Variants in PRKN observed in about 807,000 individuals in gnomAD.
PRKN encodes parkin RBR E3 ubiquitin protein ligase, also known as E3 ubiquitin-protein ligase parkin.
PRKN carries 56 observed loss-of-function variants against 59.5 expected under a neutral mutation model. The observed-to-expected ratio is 0.94, with a 90% CI of 0.76 to 1.18. PRKN has a LOEUF of 1.18. Ranked by LOEUF, PRKN falls within the 50% of genes most tolerant of loss-of-function variation. The pLI is 0.00. For synonymous variants in PRKN, 250 were observed against 222.1 expected (o/e 1.13, Z -1.12); for missense variants, 657 against 596.4 (o/e 1.10, Z -1.06).
At position 161,425,573 on chromosome 6, in the gene PRKN, C is replaced by T. The variant is rs180812580; in HGVS notation, c.1084-38696G>A. Among the ~76,000 whole-genome samples, 690 of 152,222 alleles carry T rather than the reference C, an allele frequency of 4.5e-3. 2 individuals carry two copies. Among genetic ancestry groups the T allele is most frequent in the Non-Finnish European group, 7.0e-3 (477 of 68,012 alleles). ...CCTTGTCTTTTGAGATCAGAATCCA[C>T]AGATTTTCATTTCTGATGCACCAGA... is the stretch of plus-strand genomic sequence containing the variant. On this transcript the variant is annotated intron_variant, in intron 9 of 11. Coordinates refer to ENST00000366898, the MANE Select transcript of PRKN (RefSeq NM_004562.3).
chr6:161,884,584 G>A (rs62438276), intron 6 of PRKN, among the ~76,000 whole-genome samples: 1,887 of 152,236 alleles, frequency 0.012, 12 homozygotes, highest in African/African-American at 0.028. Flanking sequence ...ATTACGATAC[G>A]AATGGTGATT....
At chr6:162,235,989 G>GAAAGA (rs1778683755) in intron 3 of PRKN, among the ~76,000 whole-genome samples, 1 of 131,424 alleles carries the variant, frequency 7.6e-6, no homozygotes, top group East Asian at 2.4e-4. Context: ...AAGAAAGAAA[G>GAAAGA]AAAGAAAGAA....
At chr6:161,677,495 C>T (rs774460727) in intron 7 of PRKN, among the ~76,000 whole-genome samples, 8 of 152,198 alleles carry the variant, frequency 5.3e-5, no homozygotes, top group Non-Finnish European at 7.3e-5. Context: ...CCTTGGTTTC[C>T]TTGTCTGTGA....
rs994375813 is a variant in PRKN, at chr6:162,468,709, T to C, written c.8-25236A>G. On this transcript the variant is annotated intron_variant, in intron 1 of 11. Transcript: ENST00000366898. ...TCTTGAGCAGCTCCGGCCAGCCAAG[T>C]ACTGAGCTTGAGGCTAGAGTAATAA... is the stretch of plus-strand genomic sequence containing the variant. Among the ~76,000 whole-genome samples the C allele has an allele frequency of 1.2e-4, 19 of 152,226 alleles. 1 individual carries two copies. Among genetic ancestry groups the C allele is most frequent in the Non-Finnish European group, 5.9e-5 (4 of 68,040 alleles).
At chr6:162,672,698 G>C (rs984100074) in intron 1 of PRKN, among the ~76,000 whole-genome samples, 1 of 151,706 alleles carries the variant, frequency 6.6e-6, no homozygotes, top group African/African-American at 2.4e-5. Flanking sequence ...GTGTGTGTGT[G>C]TGTGTGTGTG....
Position 162,722,015 on chromosome 6 carries a change from CTCT to C in PRKN, c.7+5644_7+5646del, listed in dbSNP as rs1022051213. 6.6e-5 allele frequency among the ~76,000 whole-genome samples: 10 copies of C among 152,254 alleles called. No individual in the cohort carries two copies. The Middle Eastern group carries it at 0.01, about 156-fold the overall frequency. On this transcript the variant is annotated intron_variant, in intron 1 of 11. Transcript: ENST00000366898. ...ATATGTACATACATCTTTCTAATTA[CTCT>C]TCTTCTGTGGTGGTGAAGGTGCAAT...
chr6:161,383,644 G>T (rs1417264510), intron 10 of PRKN, among the ~76,000 whole-genome samples: 1 of 152,196 alleles, frequency 6.6e-6, no homozygotes, highest in Non-Finnish European at 1.5e-5. Context: ...TGCAGCTCAT[G>T]GGGTTCATGG....
chr6:162,400,457 C>CAAA (rs3081908), intron 2 of PRKN, among the ~76,000 whole-genome samples: 35 of 98,684 alleles, frequency 3.5e-4, no homozygotes, highest in Non-Finnish European at 4.9e-4. Flanking sequence ...ATGTAAATAT[C>CAAA]AAAAAAAAAA....
chr6:162,344,255 G>A (rs1310264190), intron 2 of PRKN, among the ~76,000 whole-genome samples: 2 of 152,112 alleles, frequency 1.3e-5, no homozygotes, highest in African/African-American at 4.8e-5. Flanking sequence ...CATTCGCATA[G>A]AAACATATGG....
intron 7 of PRKN, among the ~76,000 whole-genome samples, chr6:161,762,164 G>GC (rs1789230843): frequency 6.6e-6 from 1 of 152,166 alleles, no homozygotes; most frequent in Non-Finnish European, 1.5e-5. Flanking sequence ...CTGATGTGAG[G>GC]CAACAGTAAG....
At chr6:161,707,800 C>T (rs372358578) in intron 7 of PRKN, among the ~76,000 whole-genome samples, 11 of 152,142 alleles carry the variant, frequency 7.2e-5, no homozygotes, top group African/African-American at 2.7e-4. Context: ...CCTACACCTC[C>T]GTCACTGCCT....
chr6:161,958,145 A>T (rs1020361055), intron 6 of PRKN, among the ~76,000 whole-genome samples: 4 of 152,230 alleles, frequency 2.6e-5, no homozygotes, highest in Admixed American at 1.3e-4. Flanking sequence ...TCATGTCTCT[A>T]TATGGTTAAA....
At chr6:162,487,408 G>A (rs932920840) in intron 1 of PRKN, among the ~76,000 whole-genome samples, 1 of 152,126 alleles carries the variant, frequency 6.6e-6, no homozygotes, top group African/African-American at 2.4e-5. Context: ...TATCTCCCAG[G>A]CACAAGCCTC....
rs1432151944 is a variant in PRKN, at chr6:161,538,006, G to T, written c.1083+10848C>A. Among the ~76,000 whole-genome samples, 1 of 152,184 alleles carries T rather than the reference G, an allele frequency of 6.6e-6. No individual in the cohort carries two copies. Among genetic ancestry groups the T allele is most frequent in the Non-Finnish European group, 1.5e-5 (1 of 68,036 alleles). On this transcript the variant is annotated intron_variant, in intron 9 of 11. Transcript: ENST00000366898. The surrounding 1 kb of genome is among the most constrained non-coding windows in gnomAD (Gnocchi z 4.2). ...TCTGGTCAATAACCAACACGGCTTT[G>T]TGAAGAAAAATGTGATGTGTGTCAG...
intron 10 of PRKN, among the ~76,000 whole-genome samples, chr6:161,367,470 C>CTTT (rs77405672): frequency 7.2e-6 from 1 of 138,366 alleles, no homozygotes; most frequent in African/African-American, 2.6e-5. Context: ...TGTGTCTTTT[C>CTTT]TTTTTTTTTT....
At chr6:162,479,881 A>G (rs1792209934) in intron 1 of PRKN, among the ~76,000 whole-genome samples, 1 of 152,126 alleles carries the variant, frequency 6.6e-6, no homozygotes, top group Middle Eastern at 3.4e-3. Flanking sequence ...CCTGGCCAAC[A>G]TAGTGAAACC....
Position 161,516,487 on chromosome 6 carries a change from AAAAAAAG to A in PRKN, c.1083+32360_1083+32366del, listed in dbSNP as rs1328062199. On this transcript the variant is annotated intron_variant, in intron 9 of 11. Transcript: ENST00000366898. The stretch of plus-strand genomic sequence containing the variant: ...CCTTCTAAAAAAAAAAAAAAAAAAA[AAAAAAAG>A]AAGAAGAAGAAAGAAGAAAGAAGAA... 1.8e-4 allele frequency among the ~76,000 whole-genome samples: 22 copies of A among 122,320 alleles called. 1 individual carries two copies. The highest frequency in any genetic ancestry group is 3.5e-4 in the Non-Finnish European group (21 of 60,556). The allele number at this position is 122,320 out of a possible 152,430, so 80.2% of individuals were successfully genotyped here.
intron 1 of PRKN, among the ~76,000 whole-genome samples, chr6:162,580,287 G>C (rs537213942): frequency 6.6e-6 from 1 of 151,828 alleles, no homozygotes; most frequent in South Asian, 2.1e-4. Flanking sequence ...AAAATACAAA[G>C]ATTAGCCAGG....
At chr6:161,773,239 C>T (rs995331923) in intron 7 of PRKN, among the ~76,000 whole-genome samples, 2 of 152,086 alleles carry the variant, frequency 1.3e-5, no homozygotes, top group Non-Finnish European at 2.9e-5. Flanking sequence ...TAATATGGCT[C>T]ATAATAAATT....
Sources: gnomAD v4.1 joint callset for allele counts (sites outside exome capture counted in the v4.1 genomes callset) on GRCh38, gnomAD v4.1.1 for gene constraint, Gnocchi (gnomAD v3.1) non-coding constraint, MANE v1.5 for transcripts, NCBI Gene and HGNC (gene_info 2026-07-23, HGNC 2026-07-21) for gene names.